REDIC1: variants seen among roughly 807,000 people sequenced by gnomAD.
The protein encoded by REDIC1 is HEI10 Interacting Protein 1.
the REDIC1 span, chr12:39,646,427 C>T: frequency 6.5e-7 from 1 of 1,531,138 alleles, no homozygotes; most frequent in Non-Finnish European, 8.8e-7. Context: ...TCACTGTGTA[C>T]CTTCTAAACT....
the REDIC1 span, among the ~76,000 whole-genome samples, chr12:39,827,663 C>T: frequency 6.6e-6 from 1 of 152,106 alleles, no homozygotes; most frequent in Non-Finnish European, 1.5e-5. Flanking sequence ...CAGTCTACTA[C>T]ATTTTCTAGA....
At chr12:39,790,039 T>A in the REDIC1 span, among the ~76,000 whole-genome samples, 2 of 151,878 alleles carry the variant, frequency 1.3e-5, no homozygotes, top group Non-Finnish European at 2.9e-5. Context: ...AGTAATATAT[T>A]TTATTTAACC....
the REDIC1 span, among the ~76,000 whole-genome samples, chr12:39,702,947 G>C: frequency 6.6e-6 from 1 of 152,090 alleles, no homozygotes; most frequent in Admixed American, 6.6e-5. Context: ...AATAATAAGA[G>C]CTATCTATGA....
the REDIC1 span, among the ~76,000 whole-genome samples, chr12:39,843,425 CTT>C: frequency 7.7e-3 from 1,167 of 152,056 alleles, 22 homozygotes; most frequent in African/African-American, 0.027. Context: ...TTTATATGGC[CTT>C]TTGCAGAAAG....
chr12:39,889,130 G>A, the REDIC1 span, among the ~76,000 whole-genome samples: 1 of 151,762 alleles, frequency 6.6e-6, no homozygotes, highest in Non-Finnish European at 1.5e-5. Flanking sequence ...ACCAAATGTT[G>A]GCTCATATCA....
At chr12:39,747,634 C>T in the REDIC1 span, among the ~76,000 whole-genome samples, 5 of 152,038 alleles carry the variant, frequency 3.3e-5, no homozygotes, top group African/African-American at 1.2e-4. Context: ...GTCAGATTCA[C>T]CAAAGCTGAA....
the REDIC1 span, among the ~76,000 whole-genome samples, chr12:39,713,829 G>C: frequency 6.9e-6 from 1 of 144,614 alleles, no homozygotes. Context: ...GTGTATACAT[G>C]TATATACACG....
At chr12:39,732,853 G>T in the REDIC1 span, among the ~76,000 whole-genome samples, 2 of 152,252 alleles carry the variant, frequency 1.3e-5, no homozygotes, top group African/African-American at 2.4e-5. Flanking sequence ...GGCTTTGATA[G>T]CTTCCTTGCT....
the REDIC1 span, among the ~76,000 whole-genome samples, chr12:39,860,156 G>C: frequency 6.6e-6 from 1 of 152,188 alleles, no homozygotes; most frequent in African/African-American, 2.4e-5. Context: ...CTAAAGAATA[G>C]GTGGTTAGTC....
At chr12:39,698,512 A>G in the REDIC1 span, among the ~76,000 whole-genome samples, 1 of 152,232 alleles carries the variant, frequency 6.6e-6, no homozygotes, top group Admixed American at 6.5e-5. Flanking sequence ...AGATATTTAC[A>G]GAACATTTCA....
chr12:39,651,754 ATAAAC>A, the REDIC1 span, among the ~76,000 whole-genome samples: 1 of 152,196 alleles, frequency 6.6e-6, no homozygotes, highest in African/African-American at 2.4e-5. Flanking sequence ...ATGACATAAA[ATAAAC>A]TAAACTTATT....
chr12:39,704,661 T>G, the REDIC1 span, among the ~76,000 whole-genome samples: 10 of 152,098 alleles, frequency 6.6e-5, no homozygotes, highest in Non-Finnish European at 1.5e-4. Flanking sequence ...AGCAAAGACT[T>G]GGAACCAACC....
the REDIC1 span, chr12:39,716,878 T>G: frequency 7.7e-7 from 1 of 1,304,116 alleles, no homozygotes; most frequent in South Asian, 1.7e-5. Context: ...CATGCTATAT[T>G]AATAATTATT....
the REDIC1 span, among the ~76,000 whole-genome samples, chr12:39,861,022 T>C: frequency 6.6e-6 from 1 of 152,238 alleles, no homozygotes. Flanking sequence ...CTTAATAGTC[T>C]TATCTGAATC....
the REDIC1 span, among the ~76,000 whole-genome samples, chr12:39,863,659 C>G: frequency 6.6e-6 from 1 of 152,004 alleles, no homozygotes; most frequent in Non-Finnish European, 1.5e-5. Flanking sequence ...ATGAAGACAC[C>G]CTTAAGTCTT....
the REDIC1 span, among the ~76,000 whole-genome samples, chr12:39,650,647 G>A: frequency 6.6e-6 from 1 of 151,896 alleles, no homozygotes; most frequent in African/African-American, 2.4e-5. This position sits in a 1 kb window ranked among gnomAD's most constrained non-coding sequence, Gnocchi z 4.3. Flanking sequence ...ATCTTAGCTC[G>A]CTGCAACCTC....
chr12:39,809,411 C>T, the REDIC1 span, among the ~76,000 whole-genome samples: 184 of 152,126 alleles, frequency 1.2e-3, no homozygotes, highest in African/African-American at 3.8e-3. Flanking sequence ...AATTTCAGAA[C>T]GAGCTTGTCA....
the REDIC1 span, among the ~76,000 whole-genome samples, chr12:39,825,080 C>A: frequency 6.6e-6 from 1 of 152,086 alleles, no homozygotes. Context: ...ATACGGTAAA[C>A]AATGAATTGC....
chr12:39,712,392 C>A, the REDIC1 span, among the ~76,000 whole-genome samples: 118 of 115,010 alleles, frequency 1.0e-3, no homozygotes, highest in African/African-American at 3.6e-3. Context: ...ATATATATAC[C>A]TGTATGTATA....
Sources: gnomAD v4.1 joint callset for allele counts (sites outside exome capture counted in the v4.1 genomes callset) on GRCh38, gnomAD v4.1.1 for gene constraint, Gnocchi (gnomAD v3.1) non-coding constraint, MANE v1.5 for transcripts, NCBI Gene and HGNC (gene_info 2026-07-23, HGNC 2026-07-21) for gene names.